Variants in BICC1 observed in about 807,000 individuals in gnomAD.
BICC1 encodes protein bicaudal C homolog 1.
A neutral mutation model predicts 111.0 loss-of-function variants in BICC1; 43 were observed. The observed-to-expected ratio is 0.39, with a 90% confidence interval of 0.30 to 0.50. The LOEUF is 0.50. Ranked by LOEUF, BICC1 falls within the 20% of genes least tolerant of loss-of-function variation. The pLI, the probability that BICC1 is intolerant of heterozygous loss-of-function variation, is 0.88. For synonymous variants in BICC1, 467 were observed against 434.4 expected, an observed-to-expected ratio of 1.07 and a Z score of -0.93; for missense variants, 1,091 against 1,203.2, an observed-to-expected ratio of 0.91 and a Z score of 1.38.
At chr10:58,804,921 T>C (rs1843663388) in intron 15 of BICC1, among the ~76,000 whole-genome samples, 1 of 152,224 alleles carries the variant, frequency 6.6e-6, no homozygotes, top group South Asian at 2.1e-4. Flanking sequence ...CTTGGAGTGC[T>C]ATATCCCCAG....
intron 3 of BICC1, among the ~76,000 whole-genome samples, chr10:58,782,407 T>C (rs557422098): frequency 6.6e-6 from 1 of 152,326 alleles, no homozygotes; most frequent in East Asian, 1.9e-4. Flanking sequence ...CATAAATGAC[T>C]ACAATTGAAA....
intron 3 of BICC1, among the ~76,000 whole-genome samples, chr10:58,744,509 A>C (rs1841770847): frequency 1.3e-5 from 2 of 152,268 alleles, no homozygotes; most frequent in African/African-American, 2.4e-5. Flanking sequence ...TTAAAGAATA[A>C]GCTTCTAATT....
At chr10:58,692,598 A>T (rs1443387513) in intron 2 of BICC1, among the ~76,000 whole-genome samples, 3 of 152,184 alleles carry the variant, frequency 2.0e-5, no homozygotes, top group Non-Finnish European at 2.9e-5. Context: ...AACACTGAAA[A>T]TTAACACGTA....
At position 58,607,496 on chromosome 10, in the gene BICC1, C is replaced by T. The variant is rs147188684; in HGVS notation, c.191-13359C>T. 7.7e-4 allele frequency among the ~76,000 whole-genome samples: 117 copies of T among 151,416 alleles called. 1 individual carries two copies. The East Asian group carries it at 0.015, about 20-fold the overall frequency. ...CCTCATCTTCTCCACCTCCTTTATC[C>T]TCCTTCTCCTCTCTTCTCTTTCCCT... On this transcript the variant is annotated intron_variant, in intron 1 of 20. Transcript: ENST00000373886.
chr10:58,553,413 C>T lies in BICC1; in HGVS notation c.190+40080C>T, dbSNP rs1370618002. Among the ~76,000 whole-genome samples, 5 of 152,254 alleles carry T rather than the reference C, an allele frequency of 3.3e-5. No individual in the cohort carries two copies. The East Asian group carries it at 9.7e-4, about 29-fold the overall frequency. The stretch of plus-strand genomic sequence containing the variant: ...GATGGAAGGAAGCTGCAAGGAATGT[C>T]GGCAGCCTCTAGAAGCTCCAAAAGT... On this transcript the variant is annotated intron_variant, in intron 1 of 20. Transcript: ENST00000373886.
intron 2 of BICC1, chr10:58,650,454 T>A (rs1838410504): frequency 6.6e-6 from 1 of 152,336 alleles, no homozygotes; most frequent in East Asian, 1.9e-4. Flanking sequence ...GATGGTGTCC[T>A]ATCCCCACCA....
chr10:58,551,543 T>C (rs910127436), intron 1 of BICC1, among the ~76,000 whole-genome samples: 6 of 152,188 alleles, frequency 3.9e-5, no homozygotes, highest in African/African-American at 1.4e-4. Context: ...AAGTATACAG[T>C]ACATTGTTAT....
chr10:58,624,170 T>C (rs990194191), intron 2 of BICC1, among the ~76,000 whole-genome samples: 37 of 152,312 alleles, frequency 2.4e-4, no homozygotes, highest in African/African-American at 8.7e-4. Context: ...GCCTTGATCT[T>C]CATATGGCAT....
At position 58,831,002 on chromosome 10, in the gene BICC1, G is replaced by A. The variant is rs11006273; in HGVS notation, c.*2111G>A. 8.4e-4 allele frequency: 128 copies of A among 152,282 alleles called. No individual in the cohort carries two copies. The highest frequency in any genetic ancestry group is 3.0e-3 in the African/African-American group (123 of 41,558). The allele number at this position is 152,282 out of a possible 1,614,324, so 9.4% of individuals were successfully genotyped here. A position where few individuals can be genotyped will look rare whatever the true frequency, so the allele number is the denominator to read the frequency against. On this transcript the variant is annotated 3_prime_UTR_variant, in exon 21 of 21. Transcript: ENST00000373886. ...CATGCATTTGCAACAGGAGGAAGAT[G>A]TAATGAATATGCAGTATTAAGTTGA...
At chr10:58,579,970 AAT>A (rs943111247) in intron 1 of BICC1, among the ~76,000 whole-genome samples, 8 of 99,892 alleles carry the variant, frequency 8.0e-5, no homozygotes, top group Admixed American at 1.4e-4. Flanking sequence ...TTTTGCCCTA[AAT>A]TTTTTTTTTT....
chr10:58,674,910 G>A (rs372118353), intron 2 of BICC1, among the ~76,000 whole-genome samples: 1 of 152,278 alleles, frequency 6.6e-6, no homozygotes, highest in East Asian at 1.9e-4. Context: ...TAAATGTTAG[G>A]CTGAGAGACA....
chr10:58,732,375 GTATGTATATATATATATATA>G (rs1841336031), intron 3 of BICC1, among the ~76,000 whole-genome samples: 1 of 6,070 alleles, frequency 1.6e-4, no homozygotes, highest in African/African-American at 4.9e-4. Flanking sequence ...GTGTGTGTGT[GTATGTATATATATATATATA>G]TATATATATA....
chr10:58,805,677 T>C (rs1394506150), intron 15 of BICC1, among the ~76,000 whole-genome samples: 1 of 152,234 alleles, frequency 6.6e-6, no homozygotes, highest in African/African-American at 2.4e-5. Context: ...CCTTCAGAAA[T>C]GTCCTGTTTC....
At chr10:58,533,189 C>T (rs966590400) in intron 1 of BICC1, among the ~76,000 whole-genome samples, 3 of 151,904 alleles carry the variant, frequency 2.0e-5, no homozygotes, top group South Asian at 4.1e-4. Flanking sequence ...TGCTTCTGCT[C>T]GTTCCTCTCA....
Position 58,521,764 on chromosome 10 carries a change from T to TGG in BICC1, c.190+8432_190+8433dup, listed in dbSNP as rs1842393204. Among the ~76,000 whole-genome samples the TGG allele has an allele frequency of 2.3e-5, 3 of 133,020 alleles. 1 individual carries two copies. The highest frequency in any genetic ancestry group is 2.2e-4 in the East Asian group (1 of 4,524). The allele number at this position is 133,020 out of a possible 152,430, so 87.3% of individuals were successfully genotyped here. A position where few individuals can be genotyped will look rare whatever the true frequency, so the allele number is the denominator to read the frequency against. On this transcript the variant is annotated intron_variant, in intron 1 of 20. Coordinates refer to ENST00000373886, the MANE Select transcript of BICC1 (RefSeq NM_001080512.3). ...GGGCATGAAAATCAGCCAGGGAATG[T>TGG]GGTGTTTTTTTTTTTTTTTTTTTTT...
At chr10:58,565,429 A>C (rs1001995168) in intron 1 of BICC1, among the ~76,000 whole-genome samples, 6 of 152,140 alleles carry the variant, frequency 3.9e-5, no homozygotes, top group African/African-American at 1.4e-4. Flanking sequence ...CAAATCTGCC[A>C]AAATTCTCTG....
intron 2 of BICC1, among the ~76,000 whole-genome samples, chr10:58,635,619 C>T (rs1157005554): frequency 6.6e-6 from 1 of 152,184 alleles, no homozygotes; most frequent in Admixed American, 6.5e-5. Flanking sequence ...ATTTCTCTGA[C>T]AACTCACCAT....
intron 1 of BICC1, among the ~76,000 whole-genome samples, chr10:58,537,121 C>T (rs141170800): frequency 4.3e-4 from 65 of 151,740 alleles, no homozygotes; most frequent in African/African-American, 1.3e-3. Flanking sequence ...GGATTCAAGC[C>T]GAATTCTACT....
At chr10:58,776,269 A>C (rs924979892) in intron 3 of BICC1, among the ~76,000 whole-genome samples, 1 of 152,192 alleles carries the variant, frequency 6.6e-6, no homozygotes, top group African/African-American at 2.4e-5. Flanking sequence ...TGTAACAGCA[A>C]CCAGCAGTTG....
Sources: allele counts gnomAD v4.1 joint callset (sites outside exome capture counted in the v4.1 genomes callset), GRCh38; gene constraint gnomAD v4.1.1; transcripts MANE v1.5; gene names NCBI Gene and HGNC (gene_info 2026-07-23, HGNC 2026-07-21).